ASAH2: variants seen among roughly 807,000 people sequenced by gnomAD.
ASAH2 encodes neutral ceramidase.
ASAH2 carries 58 observed loss-of-function variants against 82.9 expected under a neutral mutation model. That is an observed-to-expected ratio of 0.70 (90% CI 0.57 to 0.87). The LOEUF (loss-of-function observed/expected upper bound fraction) is 0.87. Ranked by LOEUF, ASAH2 falls within the 40% of genes least tolerant of loss-of-function variation. The pLI is 0.00. For missense variants in ASAH2, 779 were observed against 834.0 expected, an observed-to-expected ratio of 0.93 and a Z score of 0.81; for synonymous variants, 276 against 289.7, an observed-to-expected ratio of 0.95 and a Z score of 0.48.
intron 16 of ASAH2, among the ~76,000 whole-genome samples, chr10:50,201,031 G>GA (rs1351219267): frequency 2.0e-5 from 3 of 151,884 alleles, no homozygotes; most frequent in African/African-American, 7.3e-5. Flanking sequence ...CAGAAAAGCA[G>GA]AATGGCAGAA....
At chr10:50,198,222 AT>A (rs1339253675) in intron 17 of ASAH2, 10 of 151,854 alleles carry the variant, frequency 6.6e-5, no homozygotes, top group Non-Finnish European at 1.5e-4. Context: ...ATTGTTTCAC[AT>A]TTTTTACTGA....
intron 4 of ASAH2, among the ~76,000 whole-genome samples, chr10:50,241,483 C>A (rs756216085): frequency 1.1e-3 from 173 of 152,216 alleles, no homozygotes; most frequent in Admixed American, 3.3e-3. Context: ...TGAAGTGACA[C>A]TAGCAAAGTA....
Position 50,206,112 on chromosome 10 carries a change from A to C in ASAH2, c.1415-15T>G. 1 of 1,546,216 alleles carries C rather than the reference A, an allele frequency of 6.5e-7. No homozygotes were observed. The highest frequency in any genetic ancestry group is 8.9e-7 in the Non-Finnish European group (1 of 1,118,420). On this transcript the variant is annotated splice_polypyrimidine_tract_variant and intron_variant, in intron 12 of 20. Transcript: ENST00000682911. ...TTCTGTTTTCCCTATTAGAAATGTT[A>C]TAATTAGTATACTTCCTTGAACCAA...
At chr10:50,223,751 T>C (rs1287950558) in intron 7 of ASAH2, among the ~76,000 whole-genome samples, 3 of 152,092 alleles carry the variant, frequency 2.0e-5, no homozygotes, top group Non-Finnish European at 2.9e-5. Flanking sequence ...GCATGTAGGC[T>C]CTAAATCCAA....
At chr10:50,240,820 C>G (rs1248861456) in intron 4 of ASAH2, among the ~76,000 whole-genome samples, 2 of 152,220 alleles carry the variant, frequency 1.3e-5, no homozygotes, top group Non-Finnish European at 2.9e-5. Flanking sequence ...AATTTGCATT[C>G]CTGAATCCCT....
chr10:50,230,998 G>A (rs1247667256), intron 7 of ASAH2, among the ~76,000 whole-genome samples: 2 of 148,886 alleles, frequency 1.3e-5, no homozygotes, highest in East Asian at 2.0e-4. Flanking sequence ...CTATGATCAC[G>A]CCATTGCTCT....
At chr10:50,194,723 G>A (rs1844929528) in intron 18 of ASAH2, among the ~76,000 whole-genome samples, 1 of 150,960 alleles carries the variant, frequency 6.6e-6, no homozygotes, top group African/African-American at 2.4e-5. Flanking sequence ...CACACCATTG[G>A]TACACATAGA....
chr10:50,236,337 A>C (rs1846158348), intron 4 of ASAH2, among the ~76,000 whole-genome samples: 2 of 152,124 alleles, frequency 1.3e-5, no homozygotes, highest in African/African-American at 4.8e-5. Context: ...TGATGGCAGG[A>C]GGGAGAAGTG....
chr10:50,219,366 T>C (rs1845685297), intron 7 of ASAH2, among the ~76,000 whole-genome samples: 3 of 152,194 alleles, frequency 2.0e-5, no homozygotes, highest in African/African-American at 7.2e-5. Context: ...CTACTCTGCA[T>C]AGGTGACCCA....
chr10:50,237,508 C>G (rs962133630), intron 4 of ASAH2, among the ~76,000 whole-genome samples: 1 of 152,200 alleles, frequency 6.6e-6, no homozygotes, highest in Non-Finnish European at 1.5e-5. Flanking sequence ...TCCTGACACA[C>G]AGAAGCCTTG....
rs1025777415 is a variant in ASAH2, at chr10:50,233,246, T to C, written c.831A>G (p.Thr277=). 2 of 1,610,890 alleles carry C rather than the reference T, an allele frequency of 1.2e-6. No individual in the cohort carries two copies. The highest frequency in any genetic ancestry group is 1.7e-6 in the Non-Finnish European group (2 of 1,177,404). The change falls in exon 7 of 21, where the codon ACA becomes ACG. Residue 277 remains threonine (T), a synonymous_variant. Coordinates refer to ENST00000682911, the MANE Select transcript of ASAH2 (RefSeq NM_019893.4). ...TTTTCAAAACTATCATTTCCTTGTC[T>C]GTATTTGAAGAATACCTAGTCAGTA... ...QSERARYSSN[T]DKEMIVLKMV...
At chr10:50,194,414 A>T (rs1409876419) in intron 18 of ASAH2, among the ~76,000 whole-genome samples, 1 of 151,822 alleles carries the variant, frequency 6.6e-6, no homozygotes, top group Non-Finnish European at 1.5e-5. Flanking sequence ...TAGAAAAAAA[A>T]TTGCAAAACT....
chr10:50,210,988 T>C, intron 11 of ASAH2, 42 bp downstream of exon 11: 2 of 1,601,306 alleles, frequency 1.2e-6, no homozygotes, highest in Non-Finnish European at 1.7e-6. Context: ...AAACCAAAAC[T>C]TCACCCTTGG....
intron 15 of ASAH2, 117 bp downstream of exon 15, chr10:50,203,523 C>T: frequency 1.1e-6 from 1 of 924,104 alleles, no homozygotes; most frequent in South Asian, 1.3e-5. Context: ...TTCATATTAA[C>T]CTTAGCCATT....
chr10:50,225,430 A>T (rs1845854440), intron 7 of ASAH2, among the ~76,000 whole-genome samples: 1 of 152,178 alleles, frequency 6.6e-6, no homozygotes, highest in Non-Finnish European at 1.5e-5. Flanking sequence ...AATAAAAATT[A>T]AAAAATTAAA....
chr10:50,250,920 T>C (rs2133239213), intron 1 of ASAH2, among the ~76,000 whole-genome samples: 1 of 152,380 alleles, frequency 6.6e-6, no homozygotes, highest in East Asian at 1.9e-4. Context: ...GCCAGAATTG[T>C]TGCCAACACA....
intron 12 of ASAH2, among the ~76,000 whole-genome samples, chr10:50,207,337 C>A (rs1483443115): frequency 1.3e-5 from 2 of 151,484 alleles, no homozygotes; most frequent in Non-Finnish European, 3.0e-5. Flanking sequence ...GAAAGAAAAT[C>A]AATTAAACAG....
intron 9 of ASAH2, 151 bp from the exon 10 acceptor site, chr10:50,213,209 A>G: frequency 1.4e-6 from 1 of 732,492 alleles, no homozygotes; most frequent in Non-Finnish European, 2.5e-6. Flanking sequence ...AACTATAAAA[A>G]CAAAATCATA....
chr10:50,210,874 T>C lies in ASAH2; in HGVS notation c.1363A>G (p.Ser455Gly). The C allele has an allele frequency of 6.2e-7, 1 of 1,613,648 alleles. No individual in the cohort carries two copies. The highest frequency in any genetic ancestry group is 1.1e-5 in the South Asian group (1 of 91,078). ...CCATCAATAGTGCCAGCTGCAAAAC[T>C]GTAGCCCAATGCTGGTTTACATGTT... ...SKTCKPALGY[S>G]FAAGTIDGVG... The change falls in exon 12 of 21, where the codon AGT becomes GGT. Residue 455 changes from serine (S) to glycine (G), a missense_variant. By Grantham distance (56) the Ser-to-Gly change is moderately conservative. Coordinates refer to ENST00000682911, the MANE Select transcript of ASAH2 (RefSeq NM_019893.4).
Sources: allele counts gnomAD v4.1 joint callset (sites outside exome capture counted in the v4.1 genomes callset), GRCh38; gene constraint gnomAD v4.1.1; transcripts MANE v1.5; gene names NCBI Gene and HGNC (gene_info 2026-07-23, HGNC 2026-07-21).